Variants in PMPCA observed in about 807,000 individuals in gnomAD.
The protein encoded by PMPCA is peptidase, mitochondrial processing subunit alpha.
Under a neutral mutation model 59.3 loss-of-function variants are expected in PMPCA, and 47 were observed. The observed-to-expected ratio is 0.79, with a 90% confidence interval of 0.63 to 1.01. The LOEUF (loss-of-function observed/expected upper bound fraction) is 1.01, where lower values mean the gene tolerates loss of function less well. Among genes scored for constraint, PMPCA ranks in the 50% least tolerant of loss-of-function variants. PMPCA has a pLI of 0.00. For synonymous variants in PMPCA, 338 were observed against 290.3 expected (o/e 1.16, Z -1.67); for missense variants, 726 against 704.5 (o/e 1.03, Z -0.34).
Position 136,418,783 on chromosome 9 carries a change from TC to T in PMPCA, c.1110-43del, listed in dbSNP as rs572611193. The T allele has an allele frequency of 2.2e-4, 336 of 1,538,288 alleles. 1 individual carries two copies. The African/African-American group carries it at 3.9e-3, about 18-fold the overall frequency. ...TTTTCTCCAGTTTCCCATGGCCTGATCCTGGCGAGTCCCCTTCACTCCCATG... is the reference window on the plus strand; with the variant it reads ...TTTTCTCCAGTTTCCCATGGCCTGATCTGGCGAGTCCCCTTCACTCCCATG... On this transcript the variant is annotated intron_variant, in intron 9 of 12. Coordinates refer to ENST00000371717, the MANE Select transcript of PMPCA (RefSeq NM_015160.3).
At chr9:136,414,370 C>G (rs978240138) in intron 4 of PMPCA, among the ~76,000 whole-genome samples, 183 bp from the exon 5 acceptor site, 3 of 151,734 alleles carry the variant, frequency 2.0e-5, no homozygotes, top group Non-Finnish European at 4.4e-5. Context: ...GAAATGTCTG[C>G]TGGGCCCCAA....
At chr9:136,419,346 C>T in intron 11 of PMPCA, 2 of 597,500 alleles carry the variant, frequency 3.3e-6, no homozygotes, top group Non-Finnish European at 3.0e-6. Context: ...CAGACCACCG[C>T]CCTCCCCCAG....
chr9:136,416,581 A>G, intron 6 of PMPCA, 190 bp downstream of exon 6: 1 of 651,848 alleles, frequency 1.5e-6, no homozygotes, highest in Non-Finnish European at 2.8e-6. Context: ...GGCTCAGCTC[A>G]GGTGATCCTC....
In PMPCA at chr9:136,419,064, C is replaced by A; in HGVS notation, c.1221C>A (p.Ile407=). 2 of 1,614,010 alleles carry A rather than the reference C, an allele frequency of 1.2e-6. No individual in the cohort carries two copies. The highest frequency in any genetic ancestry group is 1.3e-5 in the African/African-American group (1 of 75,048). The part of the protein sequence containing the change: ...DPRQVREMVE[I]ITKEFILMGG... The stretch of plus-strand genomic sequence containing the variant: ...CGCAGGTTCGAGAAATGGTAGAAAT[C>A]ATCACAAAGGAGTTTATTTTAATGG... The change falls in exon 11 of 13, where the codon ATC becomes ATA. Residue 407 remains isoleucine (I), a synonymous_variant. Coordinates refer to ENST00000371717, the MANE Select transcript of PMPCA (RefSeq NM_015160.3).
At chr9:136,412,941 C>T (rs780779529) in intron 4 of PMPCA, 49 bp downstream of exon 4, 16 of 1,053,580 alleles carry the variant, frequency 1.5e-5, no homozygotes, top group African/African-American at 1.4e-4. Context: ...TGGGAACTGA[C>T]GTTCTTGTCG....
chr9:136,414,341 G>A (rs910337630), intron 4 of PMPCA, among the ~76,000 whole-genome samples: 3 of 152,134 alleles, frequency 2.0e-5, no homozygotes, highest in East Asian at 1.9e-4. Flanking sequence ...CCCCTGGCAC[G>A]CAAAGCCCAA....
At chr9:136,418,778 C>A (rs377677358) in intron 9 of PMPCA, 50 bp from the exon 10 acceptor site, 1 of 1,531,262 alleles carries the variant, frequency 6.5e-7, no homozygotes, top group East Asian at 2.2e-5. Context: ...TTTCCCATGG[C>A]CTGATCCTGG....
intron 7 of PMPCA, 40 bp downstream of exon 7, chr9:136,417,254 C>T (rs1225625588): frequency 6.6e-7 from 1 of 1,519,844 alleles, no homozygotes; most frequent in Non-Finnish European, 8.9e-7. Context: ...GGGTGGGGAA[C>T]ACGTCCCCTG....
At chr9:136,412,636 A>G (rs1461602989) in intron 3 of PMPCA, 67 bp downstream of exon 3, 85 of 856,872 alleles carry the variant, frequency 9.9e-5, no homozygotes, top group Non-Finnish European at 1.9e-6. Flanking sequence ...TTTCTTGTCT[A>G]TAATGGTTAT....
At chr9:136,412,708 T>C (rs11145935) in intron 3 of PMPCA, 102 bp from the exon 4 acceptor site, 13 of 828,494 alleles carry the variant, frequency 1.6e-5, no homozygotes, top group African/African-American at 1.4e-4. Flanking sequence ...TAAAAGATAA[T>C]TTTTGTATGT....
At position 136,412,502 on chromosome 9, in the gene PMPCA, C is replaced by A; in HGVS notation, c.287C>A (p.Ser96Ter). The change falls in exon 3 of 13, where the codon TCA becomes TAA. Residue 96 changes from serine (S) to a stop codon, truncating the protein, a stop_gained. Transcript: ENST00000371717. LOFTEE classifies it high-confidence loss of function. The stretch of plus-strand genomic sequence containing the variant: ...TTTTTACTACTAGTTCTTATCAATT[C>A]AGGATCGAGATATGAAGCGAAATAC... ...QFCTVGILIN[S>*]GSRYEAKYLS... 1 of 1,568,268 alleles carries A rather than the reference C, an allele frequency of 6.4e-7. No homozygotes were observed. The highest frequency in any genetic ancestry group is 8.7e-7 in the Non-Finnish European group (1 of 1,144,660).
chr9:136,416,250 GC>G, intron 5 of PMPCA, 40 bp from the exon 6 acceptor site: 2 of 1,421,340 alleles, frequency 1.4e-6, no homozygotes, highest in Non-Finnish European at 2.0e-6. Flanking sequence ...CCTCATCTCT[GC>G]CTGTGCAGAC....
chr9:136,413,340 A>T (rs1311834901), intron 4 of PMPCA, among the ~76,000 whole-genome samples: 1 of 152,104 alleles, frequency 6.6e-6, no homozygotes, highest in Non-Finnish European at 1.5e-5. Flanking sequence ...GCAGGGGCAA[A>T]AGGCACCGAG....
intron 6 of PMPCA, chr9:136,416,652 C>T (rs539276881): frequency 4.5e-5 from 27 of 596,516 alleles, no homozygotes; most frequent in Non-Finnish European, 5.7e-5. Context: ...CAGCTTAGAA[C>T]ATTCTTGATT....
At chr9:136,415,893 A>G (rs1835259368) in intron 5 of PMPCA, among the ~76,000 whole-genome samples, 1 of 152,002 alleles carries the variant, frequency 6.6e-6, no homozygotes, top group Non-Finnish European at 1.5e-5. Context: ...TCGGCCTCCC[A>G]AAGTGCTGGG....
intron 6 of PMPCA, 186 bp from the exon 7 acceptor site, chr9:136,416,765 T>C (rs1835288022): frequency 3.3e-6 from 2 of 602,442 alleles, no homozygotes; most frequent in African/African-American, 3.7e-5. Flanking sequence ...TGAATTTGTA[T>C]TCTGGAGAGG....
intron 1 of PMPCA, 56 bp downstream of exon 1, chr9:136,410,795 T>C: frequency 7.6e-7 from 1 of 1,313,658 alleles, no homozygotes; most frequent in Non-Finnish European, 9.8e-7. Flanking sequence ...CGAGTCTTTC[T>C]GGACGCTCCG....
In PMPCA at chr9:136,418,816, G is replaced by T. The variant is rs767613757; in HGVS notation, c.1110-12G>T. On this transcript the variant is annotated splice_polypyrimidine_tract_variant and intron_variant, in intron 9 of 12. Transcript: ENST00000371717. The stretch of plus-strand genomic sequence containing the variant: ...AGTCCCCTTCACTCCCATGACTCTC[G>T]CTTCCTCCCAGGCACCACTGGATGT... The T allele has an allele frequency of 1.1e-5, 17 of 1,604,204 alleles. No homozygotes were observed. The Admixed American group carries it at 2.7e-4, about 25-fold the overall frequency.
In PMPCA at chr9:136,412,218, T is replaced by G; in HGVS notation, c.274+19T>G. 6.4e-7 allele frequency: 1 copy of G among 1,565,832 alleles called. No homozygotes were observed. The highest frequency in any genetic ancestry group is 2.2e-5 in the East Asian group (1 of 44,518). On this transcript the variant is annotated intron_variant, in intron 2 of 12. Transcript: ENST00000371717. ...GTAGGAAGTAAGTACTGTTGTGTTGTCGTGGGTGGTCCCGCAGTTTTAACA... is the reference window on the plus strand; with the variant it reads ...GTAGGAAGTAAGTACTGTTGTGTTGGCGTGGGTGGTCCCGCAGTTTTAACA...
Sources: allele counts gnomAD v4.1 joint callset (sites outside exome capture counted in the v4.1 genomes callset), GRCh38; gene constraint gnomAD v4.1.1; transcripts MANE v1.5; gene names NCBI Gene and HGNC (gene_info 2026-07-23, HGNC 2026-07-21).